The following COL4A6 variants were observed in gnomAD, a reference collection of about 807,000 sequenced individuals.
COL4A6 encodes collagen alpha-6(IV) chain.
In COL4A6, 59 loss-of-function variants were observed where a neutral mutation model predicts 126.7. The ratio of observed to expected loss-of-function variants is 0.47; its 90% CI spans 0.38 to 0.58. COL4A6 has a LOEUF of 0.58. Among genes scored for constraint, COL4A6 ranks in the 20% least tolerant of loss-of-function variants. The pLI, the probability that COL4A6 is intolerant of heterozygous loss-of-function variation, is 0.00. For synonymous variants in COL4A6, 547 were observed against 496.6 expected (o/e 1.10, Z -1.35); for missense variants, 1,285 against 1,337.3 (o/e 0.96, Z 0.61).
chrX:108,343,327 C>T lies in COL4A6; in HGVS notation c.64-32499G>A, dbSNP rs778167976. Among the ~76,000 whole-genome samples, 273 of 106,876 alleles carry T rather than the reference C, an allele frequency of 2.6e-3. 1 individual carries two copies. Among genetic ancestry groups the T allele is most frequent in the African/African-American group, 8.8e-3 (256 of 29,220 alleles). The allele number at this position is 106,876 out of a possible 115,157, so 92.8% of individuals were successfully genotyped here. On this transcript the variant is annotated intron_variant, in intron 2 of 44. Coordinates refer to ENST00000334504, the MANE Select transcript of COL4A6 (RefSeq NM_033641.4). ...CTTCATGCCATCTAAATCAGGGGGA[C>T]GGAACTGTGGCAAGATCCGAGATGT...
At chrX:108,388,723 T>C (rs2040760737) in intron 2 of COL4A6, among the ~76,000 whole-genome samples, 1 of 111,789 alleles carries the variant, frequency 8.9e-6, no homozygotes, top group Admixed American at 9.5e-5. Context: ...CCTTCAGTTC[T>C]GCTCTAATCT....
At chrX:108,402,245 C>T (rs1316573610) in intron 2 of COL4A6, among the ~76,000 whole-genome samples, 2 of 111,201 alleles carry the variant, frequency 1.8e-5, no homozygotes, top group African/African-American at 6.5e-5. Flanking sequence ...TTTCTTTAAT[C>T]GTTATTCTTC....
chrX:108,219,851 A>G (rs2035966915), intron 4 of COL4A6, 109 bp from the exon 5 acceptor site: 1 of 557,664 alleles, frequency 1.8e-6, no homozygotes, highest in Non-Finnish European at 3.0e-6. Context: ...AGTGTTTCGT[A>G]CCCCCCTCCC....
chrX:108,274,451 G>A (rs148806634), intron 3 of COL4A6, among the ~76,000 whole-genome samples: 1,452 of 111,209 alleles, frequency 0.013, 17 homozygotes, highest in African/African-American at 0.045. Context: ...AGAACCAGAC[G>A]CAGGAGGTGG....
At chrX:108,436,031 C>A (rs1037222446) in intron 2 of COL4A6, among the ~76,000 whole-genome samples, 1 of 111,359 alleles carries the variant, frequency 9.0e-6, no homozygotes, top group Admixed American at 9.5e-5. Flanking sequence ...AAAAGAAAAA[C>A]AAAACAACCC....
intron 2 of COL4A6, among the ~76,000 whole-genome samples, chrX:108,435,363 C>T (rs192718041): frequency 8.9e-6 from 1 of 112,070 alleles, no homozygotes. Context: ...AGACATTTCG[C>T]TAACACGATG....
At chrX:108,359,842 C>T (rs994691834) in intron 2 of COL4A6, among the ~76,000 whole-genome samples, 1 of 112,167 alleles carries the variant, frequency 8.9e-6, no homozygotes, top group Non-Finnish European at 1.9e-5. Context: ...GGTAATACCG[C>T]CTACATAACA....
intron 2 of COL4A6, among the ~76,000 whole-genome samples, chrX:108,313,970 T>C (rs1603069811): frequency 8.9e-6 from 1 of 111,892 alleles, no homozygotes; most frequent in African/African-American, 3.2e-5. Context: ...GGAAGTACAA[T>C]CTTCCCTTTA....
Position 108,219,741 on chromosome X carries a change from C to T in COL4A6, c.281G>A (p.Gly94Asp). Residue 94 changes from glycine (G) to aspartate (D), a missense_variant and splice_region_variant, in exon 5 of 45, where the codon GGT becomes GAT. Transcript: ENST00000334504. ...AAGAAAGCCAGGAACTCCCATGGGA[C>T]CCTAAAAAAAGGAGTAGGGAGAGGA... Reference protein sequence around the residue: ...LGPYGPKGDKGPMGVPGFLGI... With the variant: ...LGPYGPKGDKDPMGVPGFLGI... The T allele has an allele frequency of 8.3e-7, 1 of 1,204,279 alleles. No homozygotes were observed. The highest frequency in any genetic ancestry group is 1.8e-5 in the South Asian group (1 of 56,547).
intron 2 of COL4A6, among the ~76,000 whole-genome samples, chrX:108,372,231 T>C (rs917170488): frequency 9.0e-6 from 1 of 111,331 alleles, no homozygotes; most frequent in Non-Finnish European, 1.9e-5. Flanking sequence ...TCTCAGTAAC[T>C]ACAATAAATG....
chrX:108,344,789 G>A (rs1258364132), intron 2 of COL4A6, among the ~76,000 whole-genome samples: 2 of 112,056 alleles, frequency 1.8e-5, no homozygotes, highest in African/African-American at 3.2e-5. Flanking sequence ...ATGTCCTTAT[G>A]TAAAAACCAT....
chrX:108,427,100 T>G (rs2064100159), intron 2 of COL4A6, among the ~76,000 whole-genome samples: 2 of 111,941 alleles, frequency 1.8e-5, no homozygotes, highest in South Asian at 3.7e-4. Flanking sequence ...ATAACTATAA[T>G]GTCAATTACA....
intron 3 of COL4A6, among the ~76,000 whole-genome samples, chrX:108,232,533 T>C (rs934000386): frequency 8.9e-6 from 1 of 111,754 alleles, no homozygotes; most frequent in Non-Finnish European, 1.9e-5. Context: ...AAAACTAATA[T>C]ACCTGTTGGA....
chrX:108,375,301 T>C (rs1316131462), intron 2 of COL4A6, among the ~76,000 whole-genome samples: 4 of 112,109 alleles, frequency 3.6e-5, no homozygotes, highest in Non-Finnish European at 7.5e-5. Context: ...TGGGTCTGTA[T>C]AACAATCAAC....
chrX:108,267,232 C>T (rs1253922007), intron 3 of COL4A6, among the ~76,000 whole-genome samples: 3 of 112,197 alleles, frequency 2.7e-5, no homozygotes, highest in African/African-American at 9.7e-5. Context: ...AGCTTACCTC[C>T]TCCACTTATA....
chrX:108,430,254 CA>C (rs2064155157), intron 2 of COL4A6, among the ~76,000 whole-genome samples: 1 of 111,478 alleles, frequency 9.0e-6, no homozygotes, highest in African/African-American at 3.3e-5. Context: ...ACTGCATATC[CA>C]GGGGCAAAGA....
intron 2 of COL4A6, among the ~76,000 whole-genome samples, chrX:108,371,856 G>GAAAA (rs34557947): frequency 1.2e-4 from 6 of 50,586 alleles, no homozygotes; most frequent in African/African-American, 3.1e-4. Context: ...CAATATGAAG[G>GAAAA]AAAAAAAAAA....
At chrX:108,272,605 AAAC>A (rs1347875434) in intron 3 of COL4A6, among the ~76,000 whole-genome samples, 2 of 111,717 alleles carry the variant, frequency 1.8e-5, no homozygotes, top group Non-Finnish European at 1.9e-5. Context: ...CCAACAAAAC[AAAC>A]AACAACAACA....
At chrX:108,214,323 C>A in intron 5 of COL4A6, 95 bp from the exon 6 acceptor site, 1 of 585,379 alleles carries the variant, frequency 1.7e-6, no homozygotes, top group Non-Finnish European at 2.8e-6. Context: ...TGCTATTAAA[C>A]TGTGGCTCCT....
Sources: gnomAD v4.1 joint callset for allele counts (sites outside exome capture counted in the v4.1 genomes callset) on GRCh38, gnomAD v4.1.1 for gene constraint, MANE v1.5 for transcripts, NCBI Gene and HGNC (gene_info 2026-07-23, HGNC 2026-07-21) for gene names.